Variants in SCAI observed in about 807,000 individuals in gnomAD.
SCAI encodes protein SCAI.
Under a neutral mutation model 92.2 loss-of-function variants are expected in SCAI, and 24 were observed. That is an observed-to-expected ratio of 0.26 (90% CI 0.19 to 0.37). The LOEUF (loss-of-function observed/expected upper bound fraction) is 0.37. Ranked by LOEUF, SCAI falls within the 10% of genes least tolerant of loss-of-function variation. SCAI has a pLI of 1.00. For synonymous variants in SCAI, 261 were observed against 258.6 expected (o/e 1.01, Z -0.09); for missense variants, 450 against 736.2 (o/e 0.61, Z 4.50).
chr9:124,998,853 A>G (rs1369777350), intron 13 of SCAI, among the ~76,000 whole-genome samples: 2 of 151,882 alleles, frequency 1.3e-5, no homozygotes, highest in African/African-American at 4.8e-5. Flanking sequence ...CCTGACCTCA[A>G]GTGATCCACC....
intron 2 of SCAI, among the ~76,000 whole-genome samples, chr9:125,127,090 CA>C (rs11301685): frequency 0.23 from 35,640 of 151,984 alleles, 4,705 homozygotes; most frequent in Non-Finnish European, 0.3. Context: ...TCAGAATCCA[CA>C]AAAAGGGAAC....
chr9:125,018,728 T>C (rs539861433), intron 9 of SCAI, 71 bp downstream of exon 9: 1 of 1,323,284 alleles, frequency 7.6e-7, no homozygotes, highest in African/African-American at 1.5e-5. Context: ...TATAAGAAAA[T>C]AATTCTGTGA....
At chr9:125,087,569 T>C (rs1383986349) in intron 2 of SCAI, among the ~76,000 whole-genome samples, 1 of 152,256 alleles carries the variant, frequency 6.6e-6, no homozygotes, top group Non-Finnish European at 1.5e-5. Context: ...TGCATTATTT[T>C]ACACGGCACT....
intron 12 of SCAI, among the ~76,000 whole-genome samples, chr9:125,000,603 GA>G (rs11315935): frequency 0.67 from 95,912 of 144,198 alleles, 31,661 homozygotes; most frequent in African/African-American, 0.76. Context: ...CCCTGTCTCA[GA>G]AAAAAAAAAA....
Position 125,142,652 on chromosome 9 carries a change from G to A in SCAI, c.79C>T (p.Pro27Ser), listed in dbSNP as rs1564139828. 1 of 1,613,972 alleles carries A rather than the reference G, an allele frequency of 6.2e-7. No homozygotes were observed. Residue 27 changes from proline to serine, a missense_variant, in exon 2 of 18, where the codon CCT becomes TCT. Coordinates refer to ENST00000336505, the MANE Select transcript of SCAI (RefSeq NM_001144877.3). ...PRLTGTVEKPPRKRRSRTEFA... is the reference protein window; with the variant it reads ...PRLTGTVEKPSRKRRSRTEFA... ...CCTTACCTGCTTCTCCGTTTTCGAG[G>A]CGGTTTCTCCACTGTGCCAGTCAGT...
intron 2 of SCAI, among the ~76,000 whole-genome samples, chr9:125,071,816 C>T (rs1416760373): frequency 1.3e-5 from 2 of 152,158 alleles, no homozygotes; most frequent in African/African-American, 2.4e-5. Flanking sequence ...ATGTTGGCTC[C>T]GCTTGCTGTA....
intron 14 of SCAI, among the ~76,000 whole-genome samples, chr9:124,989,145 A>G (rs984127338): frequency 2.6e-5 from 4 of 152,192 alleles, no homozygotes; most frequent in African/African-American, 7.2e-5. Context: ...ATCTTAAAAA[A>G]TAAAAAAGTA....
intron 17 of SCAI, among the ~76,000 whole-genome samples, chr9:124,957,935 G>A (rs187291017): frequency 2.0e-5 from 3 of 151,638 alleles, no homozygotes; most frequent in Non-Finnish European, 4.4e-5. Flanking sequence ...TGCCCACCTT[G>A]GCCTCCCAAA....
chr9:125,128,484 T>C (rs900671667), intron 2 of SCAI, among the ~76,000 whole-genome samples: 2 of 151,938 alleles, frequency 1.3e-5, no homozygotes, highest in African/African-American at 2.4e-5. Flanking sequence ...CCAGGCGCTG[T>C]GGCTCACGCC....
rs531841240 is a variant in SCAI at position 125,099,241 on chromosome 9, T to C, written c.99-43234A>G. 5.3e-5 allele frequency among the ~76,000 whole-genome samples: 8 copies of C among 152,136 alleles called. No homozygotes were observed. The South Asian group carries it at 1.0e-3, about 20-fold the overall frequency. On this transcript the variant is annotated intron_variant, in intron 2 of 17. Coordinates refer to ENST00000336505, the MANE Select transcript of SCAI (RefSeq NM_001144877.3). Reference sequence around the variant, plus strand: ...ATACTTCCCCAAATTAAACTAAGCATGATGTAATTCCTATAGAATTTTGTT... The same window carrying C: ...ATACTTCCCCAAATTAAACTAAGCACGATGTAATTCCTATAGAATTTTGTT...
chr9:125,050,868 A>G (rs2131128217), intron 3 of SCAI, among the ~76,000 whole-genome samples: 1 of 151,066 alleles, frequency 6.6e-6, no homozygotes, highest in African/African-American at 2.4e-5. Context: ...CTGCTCCTGG[A>G]GATACTTTCA....
intron 3 of SCAI, among the ~76,000 whole-genome samples, chr9:125,053,117 C>G (rs1226702227): frequency 6.6e-6 from 1 of 152,000 alleles, no homozygotes. Flanking sequence ...GGTGGATCAC[C>G]TGAGGTCAGG....
chr9:124,997,903 AAAAAAG>A (rs1182588094), intron 13 of SCAI, among the ~76,000 whole-genome samples: 4 of 151,692 alleles, frequency 2.6e-5, no homozygotes, highest in African/African-American at 9.7e-5. Context: ...AAAAGAAAAG[AAAAAAG>A]AAAAAGAACT....
chr9:125,078,136 T>A (rs181333313), intron 2 of SCAI, among the ~76,000 whole-genome samples: 1 of 152,334 alleles, frequency 6.6e-6, no homozygotes, highest in East Asian at 1.9e-4. Flanking sequence ...TATTCCTTTT[T>A]GTGAGTTGTC....
intron 14 of SCAI, among the ~76,000 whole-genome samples, chr9:124,981,546 G>A (rs1249416027): frequency 6.6e-6 from 1 of 152,176 alleles, no homozygotes; most frequent in African/African-American, 2.4e-5. Flanking sequence ...CATAGGTTCA[G>A]TGCTTTAGTT....
At chr9:125,035,559 T>A (rs1393007671) in intron 3 of SCAI, among the ~76,000 whole-genome samples, 1 of 152,186 alleles carries the variant, frequency 6.6e-6, no homozygotes, top group Non-Finnish European at 1.5e-5. Context: ...GAGTAAACTT[T>A]ATGCCTTAGT....
chr9:125,086,711 T>G (rs969921780), intron 2 of SCAI, among the ~76,000 whole-genome samples: 1 of 152,188 alleles, frequency 6.6e-6, no homozygotes, highest in Non-Finnish European at 1.5e-5. Flanking sequence ...GGGACCAGCA[T>G]AGGGGCAAGA....
intron 2 of SCAI, among the ~76,000 whole-genome samples, chr9:125,084,418 C>T (rs536936103): frequency 6.6e-6 from 1 of 152,026 alleles, no homozygotes; most frequent in East Asian, 1.9e-4. Flanking sequence ...GATCTGCCCG[C>T]CTGGGCCTCC....
At chr9:125,125,659 G>A (rs1303335390) in intron 2 of SCAI, among the ~76,000 whole-genome samples, 3 of 151,628 alleles carry the variant, frequency 2.0e-5, no homozygotes, top group Non-Finnish European at 4.4e-5. Flanking sequence ...ACAAAACCCT[G>A]TGTCTACAAA....
Sources: allele counts gnomAD v4.1 joint callset (sites outside exome capture counted in the v4.1 genomes callset), GRCh38; gene constraint gnomAD v4.1.1; transcripts MANE v1.5; gene names NCBI Gene and HGNC (gene_info 2026-07-23, HGNC 2026-07-21).